The following TBCK variants were observed in gnomAD, a reference collection of about 807,000 sequenced individuals.
TBCK encodes TBC1 domain containing kinase.
In TBCK, 99 loss-of-function variants were observed where a neutral mutation model predicts 113.4. The observed-to-expected ratio is 0.87, with a 90% CI of 0.74 to 1.03. The LOEUF (loss-of-function observed/expected upper bound fraction) is 1.03. Among genes scored for constraint, TBCK ranks in the 50% least tolerant of loss-of-function variants. The pLI is 0.00. For missense variants in TBCK, 1,045 were observed against 1,061.3 expected, an observed-to-expected ratio of 0.98 and a Z score of 0.21; for synonymous variants, 369 against 370.8, an observed-to-expected ratio of 1.00 and a Z score of 0.05.
intron 5 of TBCK, among the ~76,000 whole-genome samples, chr4:106,256,922 C>T (rs528245685): frequency 8.5e-5 from 13 of 152,062 alleles, no homozygotes; most frequent in Non-Finnish European, 1.8e-4. Context: ...AAAATTTAAC[C>T]TCCCATCTCA....
At chr4:106,310,221 C>A (rs1016413492) in intron 1 of TBCK, 2 of 151,924 alleles carry the variant, frequency 1.3e-5, no homozygotes, top group Non-Finnish European at 2.9e-5. Context: ...ACGTATAAAC[C>A]CTTAACAAGG....
intron 3 of TBCK, among the ~76,000 whole-genome samples, chr4:106,291,509 G>C (rs1765711283): frequency 6.6e-6 from 1 of 152,154 alleles, no homozygotes; most frequent in African/African-American, 2.4e-5. Context: ...ATCCAATGAA[G>C]CCATAAAACC....
intron 23 of TBCK, among the ~76,000 whole-genome samples, chr4:106,137,038 T>C (rs1746641058): frequency 7.1e-6 from 1 of 140,448 alleles, no homozygotes; most frequent in East Asian, 2.0e-4. Flanking sequence ...AGATGGCAGA[T>C]AAAGGGAAGA....
chr4:106,288,072 C>T (rs866622971), intron 3 of TBCK, among the ~76,000 whole-genome samples: 43 of 146,874 alleles, frequency 2.9e-4, no homozygotes, highest in African/African-American at 1.1e-3. Flanking sequence ...GGATTGAGAA[C>T]TCAAGCCAAG....
intron 24 of TBCK, among the ~76,000 whole-genome samples, chr4:106,106,533 T>A (rs1742183826): frequency 6.6e-6 from 1 of 152,176 alleles, no homozygotes; most frequent in Non-Finnish European, 1.5e-5. Context: ...GAATTTCATA[T>A]CTAGCTAAAC....
intron 24 of TBCK, among the ~76,000 whole-genome samples, chr4:106,096,027 A>C (rs1419749570): frequency 6.6e-6 from 1 of 152,142 alleles, no homozygotes; most frequent in African/African-American, 2.4e-5. Context: ...TTTTTTAAAG[A>C]AAAGGGTATG....
At chr4:106,190,112 TATA>T (rs1245930238) in intron 22 of TBCK, among the ~76,000 whole-genome samples, 1 of 152,236 alleles carries the variant, frequency 6.6e-6, no homozygotes, top group African/African-American at 2.4e-5. Context: ...GCCTACTGGC[TATA>T]ATAAGCTATT....
intron 12 of TBCK, chr4:106,237,618 AT>A: frequency 2.4e-6 from 1 of 423,376 alleles, no homozygotes; most frequent in South Asian, 1.7e-5. Flanking sequence ...TTGTGCACCC[AT>A]GTGAGTTATT....
At chr4:106,136,993 C>A (rs1173303290) in intron 23 of TBCK, among the ~76,000 whole-genome samples, 1 of 140,682 alleles carries the variant, frequency 7.1e-6, no homozygotes, top group African/African-American at 2.5e-5. Flanking sequence ...AAGTTTTGAA[C>A]ATGGTTGATT....
chr4:106,150,773 G>A (rs1413567740), intron 23 of TBCK, among the ~76,000 whole-genome samples: 1 of 152,070 alleles, frequency 6.6e-6, no homozygotes, highest in Non-Finnish European at 1.5e-5. Flanking sequence ...AAAGTAGAAA[G>A]AGCTAGCATA....
chr4:106,124,865 G>C (rs1297184795), intron 23 of TBCK, among the ~76,000 whole-genome samples: 2 of 151,602 alleles, frequency 1.3e-5, no homozygotes, highest in African/African-American at 2.4e-5. Flanking sequence ...CTGGGGGGAG[G>C]GGGAAGGGAT....
intron 3 of TBCK, among the ~76,000 whole-genome samples, chr4:106,279,586 C>A (rs1284463568): frequency 1.3e-5 from 2 of 152,004 alleles, no homozygotes; most frequent in Non-Finnish European, 2.9e-5. Context: ...GATTGACTAC[C>A]CCTATTTCAT....
At chr4:106,107,364 T>G (rs962351902) in intron 24 of TBCK, among the ~76,000 whole-genome samples, 2 of 152,148 alleles carry the variant, frequency 1.3e-5, no homozygotes, top group Non-Finnish European at 2.9e-5. Context: ...GCACATACTC[T>G]AAAATCGACC....
At chr4:106,131,225 C>T (rs1182251454) in intron 23 of TBCK, among the ~76,000 whole-genome samples, 1 of 152,224 alleles carries the variant, frequency 6.6e-6, no homozygotes, top group Non-Finnish European at 1.5e-5. Context: ...CATGACAGGC[C>T]TCCCGAGCCA....
At chr4:106,125,166 A>G (rs1745026703) in intron 23 of TBCK, among the ~76,000 whole-genome samples, 2 of 152,124 alleles carry the variant, frequency 1.3e-5, no homozygotes, top group Non-Finnish European at 2.9e-5. Flanking sequence ...AACAGCATGG[A>G]GGTTCCTCAA....
Position 106,042,237 on chromosome 4 carries a change from A to G in TBCK, c.*4333T>C, listed in dbSNP as rs192235179. 2.0e-5 allele frequency: 3 copies of G among 152,394 alleles called. No homozygotes were observed. Among genetic ancestry groups the G allele is most frequent in the South Asian group, 2.1e-4 (1 of 4,828 alleles). The allele number at this position is 152,394 out of a possible 1,614,324, so 9.4% of individuals were successfully genotyped here. A position where few individuals can be genotyped will look rare whatever the true frequency, so the allele number is the denominator to read the frequency against. On this transcript the variant is annotated 3_prime_UTR_variant, in exon 26 of 26. Transcript: ENST00000394708. ...ACAGCTATATTTTGGGTCAGCATGT[A>G]TAACAATGGGATTACTAGTTACAAC...
intron 3 of TBCK, among the ~76,000 whole-genome samples, chr4:106,270,940 C>T (rs1400583064): frequency 6.6e-6 from 1 of 152,068 alleles, no homozygotes; most frequent in East Asian, 1.9e-4. Flanking sequence ...TCAGAAAATC[C>T]AAAAATAGCC....
At chr4:106,135,098 T>C (rs1262565774) in intron 23 of TBCK, among the ~76,000 whole-genome samples, 1 of 152,154 alleles carries the variant, frequency 6.6e-6, no homozygotes, top group Non-Finnish European at 1.5e-5. Flanking sequence ...GTTGATGAAC[T>C]AGCCTGTGCT....
chr4:106,297,529 T>C (rs1273634324), intron 2 of TBCK, among the ~76,000 whole-genome samples: 3 of 152,200 alleles, frequency 2.0e-5, no homozygotes, highest in African/African-American at 7.2e-5. Flanking sequence ...ATCTTTTAAC[T>C]GATCTTCTCA....
Sources: allele counts gnomAD v4.1 joint callset (sites outside exome capture counted in the v4.1 genomes callset), GRCh38; gene constraint gnomAD v4.1.1; transcripts MANE v1.5; gene names NCBI Gene and HGNC (gene_info 2026-07-23, HGNC 2026-07-21).